The following LGSN variants were observed in gnomAD, a reference collection of about 807,000 sequenced individuals.
LGSN encodes lengsin, lens protein with glutamine synthetase domain, also known as lengsin.
A neutral mutation model predicts 19.5 loss-of-function variants in LGSN; 21 were observed. That is an observed-to-expected ratio of 1.07 (90% CI 0.76 to 1.55). LGSN has a LOEUF of 1.55. Among genes scored for constraint, LGSN ranks in the 40% most tolerant of loss-of-function variants. The pLI is 0.00. For synonymous variants in LGSN, 257 were observed against 215.6 expected (o/e 1.19, Z -1.68); for missense variants, 673 against 608.5 (o/e 1.11, Z -1.12).
At chr6:63,449,367 A>AAT in the LGSN span, among the ~76,000 whole-genome samples, 1 of 151,964 alleles carries the variant, frequency 6.6e-6, no homozygotes, top group South Asian at 2.1e-4. Context: ...CAACGTGGTA[A>AAT]AACCCTGTCT....
the LGSN span, among the ~76,000 whole-genome samples, chr6:63,325,840 A>G: frequency 6.6e-6 from 1 of 152,194 alleles, no homozygotes; most frequent in Non-Finnish European, 1.5e-5. Flanking sequence ...AAGAGTGAGC[A>G]GTAGCAAGAT....
At chr6:63,350,325 C>A in the LGSN span, among the ~76,000 whole-genome samples, 1 of 152,074 alleles carries the variant, frequency 6.6e-6, no homozygotes, top group Non-Finnish European at 1.5e-5. Flanking sequence ...GTTAGTAGGA[C>A]CAAATTTATT....
chr6:63,327,949 A>G, the LGSN span, among the ~76,000 whole-genome samples: 2 of 152,198 alleles, frequency 1.3e-5, no homozygotes, highest in African/African-American at 4.8e-5. Context: ...CAGTAACTCC[A>G]TAACTTCCCT....
the LGSN span, among the ~76,000 whole-genome samples, chr6:63,349,797 C>T: frequency 1.3e-5 from 2 of 152,132 alleles, no homozygotes; most frequent in African/African-American, 4.8e-5. Flanking sequence ...GATGTACTAA[C>T]GACGTGATTG....
the LGSN span, among the ~76,000 whole-genome samples, chr6:63,569,481 T>C: frequency 6.6e-6 from 1 of 152,170 alleles, no homozygotes; most frequent in Admixed American, 6.5e-5. Flanking sequence ...GGTCTTGAAC[T>C]CCTAACTCCT....
At chr6:63,476,784 T>C in the LGSN span, among the ~76,000 whole-genome samples, 3 of 152,220 alleles carry the variant, frequency 2.0e-5, no homozygotes, top group Admixed American at 6.5e-5. Flanking sequence ...ACTTTATTCA[T>C]CAAGGAAATC....
chr6:63,528,014 A>C, the LGSN span: 8 of 152,222 alleles, frequency 5.3e-5, no homozygotes, highest in Non-Finnish European at 1.2e-4. Flanking sequence ...CAGCTCTTGG[A>C]GGCTCTACAT....
At chr6:63,412,529 G>GAAAGAAAGAAAGAAAGAAGGAAA in the LGSN span, among the ~76,000 whole-genome samples, 2 of 32,404 alleles carry the variant, frequency 6.2e-5, no homozygotes, top group Non-Finnish European at 1.1e-4. Flanking sequence ...AAAGAAAGAA[G>GAAAGAAAGAAAGAAAGAAGGAAA]GAAAGAAAGA....
chr6:63,381,058 C>T, the LGSN span, among the ~76,000 whole-genome samples: 1 of 152,022 alleles, frequency 6.6e-6, no homozygotes, highest in East Asian at 1.9e-4. Context: ...AAAAATTAGC[C>T]AGGCATAGTG....
the LGSN span, among the ~76,000 whole-genome samples, chr6:63,525,891 G>A: frequency 2.6e-4 from 40 of 152,248 alleles, no homozygotes; most frequent in Non-Finnish European, 4.9e-4. Context: ...TAATATTTGA[G>A]TTCTAGTGAG....
chr6:63,546,729 G>C, the LGSN span, among the ~76,000 whole-genome samples: 144,642 of 152,226 alleles, frequency 0.95, 68,821 homozygotes, highest in East Asian at 1. Context: ...TAGAGTACAA[G>C]CTTTCAGTTA....
chr6:63,285,813 G>T, intron 2 of LGSN, 60 bp from the exon 3 acceptor site: 1 of 1,274,738 alleles, frequency 7.8e-7, no homozygotes, highest in Non-Finnish European at 1.1e-6. Context: ...GAAGCAAAAG[G>T]AGACTGGAGA....
chr6:63,289,066 C>T (rs1233713374), intron 2 of LGSN, among the ~76,000 whole-genome samples: 1 of 152,184 alleles, frequency 6.6e-6, no homozygotes, highest in Non-Finnish European at 1.5e-5. Flanking sequence ...TTCTCCATTG[C>T]CTATCAGCTC....
the LGSN span, among the ~76,000 whole-genome samples, chr6:63,450,885 GCTGGTCT>G: frequency 6.6e-6 from 1 of 151,994 alleles, no homozygotes; most frequent in Admixed American, 6.6e-5. Context: ...TGTTGCCCAG[GCTGGTCT>G]CGAATTCCTG....
the LGSN span, among the ~76,000 whole-genome samples, chr6:63,402,787 C>CT: frequency 0.013 from 1,855 of 142,966 alleles, 27 homozygotes; most frequent in African/African-American, 0.042. Context: ...TAAAGGTTTT[C>CT]TTTTTTTTTT....
At chr6:63,340,838 T>TTTTTTTTG in the LGSN span, among the ~76,000 whole-genome samples, 2 of 146,722 alleles carry the variant, frequency 1.4e-5, no homozygotes, top group African/African-American at 5.0e-5. Context: ...TTTTTATGGT[T>TTTTTTTTG]TGTGTGTGTG....
chr6:63,450,222 C>T, the LGSN span, among the ~76,000 whole-genome samples: 1 of 148,006 alleles, frequency 6.8e-6, no homozygotes, highest in African/African-American at 2.5e-5. Context: ...ATTAGCCAGG[C>T]ATGGTGGTGA....
chr6:63,446,604 A>T, the LGSN span, among the ~76,000 whole-genome samples: 1 of 152,232 alleles, frequency 6.6e-6, no homozygotes, highest in Non-Finnish European at 1.5e-5. Flanking sequence ...TAAATTTGCC[A>T]TCAATTATGT....
chr6:63,530,746 C>A, the LGSN span, among the ~76,000 whole-genome samples: 2 of 152,116 alleles, frequency 1.3e-5, no homozygotes, highest in African/African-American at 4.8e-5. Flanking sequence ...TAGAGGCATA[C>A]CTGAATTCAT....
Sources: gnomAD v4.1 joint callset for allele counts (sites outside exome capture counted in the v4.1 genomes callset) on GRCh38, gnomAD v4.1.1 for gene constraint, MANE v1.5 for transcripts, NCBI Gene and HGNC (gene_info 2026-07-23, HGNC 2026-07-21) for gene names.